Variants in PIP4K2A observed in about 807,000 individuals in gnomAD.
The protein encoded by PIP4K2A is phosphatidylinositol-5-phosphate 4-kinase type 2 alpha.
PIP4K2A carries 14 observed loss-of-function variants against 42.9 expected under a neutral mutation model. The ratio of observed to expected loss-of-function variants is 0.33; its 90% CI spans 0.22 to 0.51. PIP4K2A has a LOEUF of 0.51. Among genes scored for constraint, PIP4K2A ranks in the 20% least tolerant of loss-of-function variants. The pLI, the probability that PIP4K2A is intolerant of heterozygous loss-of-function variation, is 0.97. For missense variants in PIP4K2A, 434 were observed against 519.8 expected (o/e 0.83, Z 1.61); for synonymous variants, 192 against 192.2 (o/e 1.00, Z 0.01).
chr10:22,657,774 GA>G (rs376267012), intron 1 of PIP4K2A, among the ~76,000 whole-genome samples: 7 of 152,300 alleles, frequency 4.6e-5, no homozygotes, highest in African/African-American at 1.7e-4. Flanking sequence ...CTGCCCACTT[GA>G]AAAACTGAAA....
chr10:22,666,468 T>C (rs1236050647), intron 1 of PIP4K2A, among the ~76,000 whole-genome samples: 1 of 152,200 alleles, frequency 6.6e-6, no homozygotes, highest in Non-Finnish European at 1.5e-5. Flanking sequence ...GGCATTAATT[T>C]AGGAAGCCTG....
At chr10:22,710,216 A>ATCAGGCTG (rs1314205713) in intron 1 of PIP4K2A, among the ~76,000 whole-genome samples, 41 of 152,344 alleles carry the variant, frequency 2.7e-4, no homozygotes, top group African/African-American at 8.9e-4. Flanking sequence ...CATGGTGCTC[A>ATCAGGCTG]TCAGGCTGGC....
chr10:22,553,566 A>G (rs1836462115), intron 6 of PIP4K2A, among the ~76,000 whole-genome samples: 1 of 152,220 alleles, frequency 6.6e-6, no homozygotes. Flanking sequence ...AACTGAGATC[A>G]TGCAATTTAA....
At chr10:22,614,987 T>C (rs1838142530) in intron 1 of PIP4K2A, among the ~76,000 whole-genome samples, 1 of 152,226 alleles carries the variant, frequency 6.6e-6, no homozygotes, top group Non-Finnish European at 1.5e-5. Flanking sequence ...GATTCTTGGG[T>C]TTCAAAGTCT....
chr10:22,606,803 A>C (rs1439924552), intron 3 of PIP4K2A, among the ~76,000 whole-genome samples: 1 of 152,230 alleles, frequency 6.6e-6, no homozygotes, highest in Non-Finnish European at 1.5e-5. Flanking sequence ...GACTTAAGTC[A>C]GTATATGCTG....
intron 1 of PIP4K2A, among the ~76,000 whole-genome samples, chr10:22,706,799 A>G (rs1028329381): frequency 6.6e-6 from 1 of 152,224 alleles, no homozygotes; most frequent in Non-Finnish European, 1.5e-5. Context: ...AATACAAGAA[A>G]GAACATAACA....
At chr10:22,699,965 G>A (rs1223866307) in intron 1 of PIP4K2A, among the ~76,000 whole-genome samples, 42 of 152,174 alleles carry the variant, frequency 2.8e-4, no homozygotes, top group Admixed American at 2.7e-3. Flanking sequence ...ACACAAAGGT[G>A]AGGATCATTT....
At chr10:22,589,815 G>T (rs926151175) in intron 4 of PIP4K2A, among the ~76,000 whole-genome samples, 1 of 152,290 alleles carries the variant, frequency 6.6e-6, no homozygotes. Flanking sequence ...AGGACCTGCG[G>T]CACTTTATTT....
chr10:22,653,437 T>C (rs1019183431), intron 1 of PIP4K2A, among the ~76,000 whole-genome samples: 3 of 152,214 alleles, frequency 2.0e-5, no homozygotes, highest in African/African-American at 7.2e-5. Flanking sequence ...ACAGTTTCAC[T>C]GGGGAAAGTG....
intron 1 of PIP4K2A, among the ~76,000 whole-genome samples, chr10:22,659,058 G>A (rs1839154682): frequency 6.6e-6 from 1 of 152,168 alleles, no homozygotes; most frequent in African/African-American, 2.4e-5. Context: ...GTTGGGACTA[G>A]TAATCTTGGT....
chr10:22,648,934 A>G (rs1486680096), intron 1 of PIP4K2A, among the ~76,000 whole-genome samples: 2 of 152,228 alleles, frequency 1.3e-5, no homozygotes, highest in African/African-American at 4.8e-5. Context: ...GGCAGAAAGC[A>G]CATTCTAGGA....
At chr10:22,579,972 A>G (rs1220052330) in intron 4 of PIP4K2A, among the ~76,000 whole-genome samples, 1 of 151,882 alleles carries the variant, frequency 6.6e-6, no homozygotes, top group African/African-American at 2.4e-5. Context: ...GAATGTGGAG[A>G]TAAGGGAAAC....
At position 22,677,467 on chromosome 10, in the gene PIP4K2A, A is replaced by C. The variant is rs559986035; in HGVS notation, c.144+36716T>G. On this transcript the variant is annotated intron_variant, in intron 1 of 9. Transcript: ENST00000376573. ...AACAGGCTCTCAGGCTGCATTTTAC[A>C]CTGGGGCACAACTCCCTGCAGATAG... Among the ~76,000 whole-genome samples, 476 of 152,270 alleles carry C rather than the reference A, an allele frequency of 3.1e-3. 2 individuals are homozygous for C. Among genetic ancestry groups the C allele is most frequent in the African/African-American group, 0.011 (446 of 41,550 alleles).
chr10:22,557,638 A>G (rs1836585279), intron 6 of PIP4K2A, among the ~76,000 whole-genome samples: 1 of 152,362 alleles, frequency 6.6e-6, no homozygotes, highest in South Asian at 2.1e-4. Context: ...TTAAAAAACT[A>G]TCTTTCAGAT....
intron 1 of PIP4K2A, among the ~76,000 whole-genome samples, chr10:22,680,890 G>T (rs982599121): frequency 6.6e-6 from 1 of 152,158 alleles, no homozygotes; most frequent in Non-Finnish European, 1.5e-5. Context: ...AACAAGCCAG[G>T]TGACCTGGGT....
chr10:22,536,600 G>A lies in PIP4K2A; in HGVS notation c.*601C>T, dbSNP rs141467224. On this transcript the variant is annotated 3_prime_UTR_variant, in exon 10 of 10. Coordinates refer to ENST00000376573, the MANE Select transcript of PIP4K2A (RefSeq NM_005028.5). ...AGTGTTAGGGAGAGTGTCTGCGTGC[G>A]GGGTAGAAATGGAACATTCGCTGTA... 709 of 154,420 alleles carry A rather than the reference G, an allele frequency of 4.6e-3. 7 individuals are homozygous for A. Among genetic ancestry groups the A allele is most frequent in the African/African-American group, 0.016 (664 of 41,320 alleles). The allele number at this position is 154,420 out of a possible 1,614,324, so 9.6% of individuals were successfully genotyped here.
chr10:22,626,332 T>G (rs960068603), intron 1 of PIP4K2A, among the ~76,000 whole-genome samples: 10 of 152,188 alleles, frequency 6.6e-5, no homozygotes, highest in African/African-American at 9.7e-5. Context: ...TCCTGGTGAG[T>G]TATGTTCTTT....
intron 1 of PIP4K2A, among the ~76,000 whole-genome samples, chr10:22,666,589 C>T (rs938336894): frequency 3.9e-5 from 6 of 152,182 alleles, no homozygotes; most frequent in African/African-American, 1.4e-4. Flanking sequence ...GCTAACACAG[C>T]CCCTGTGTCA....
At chr10:22,567,271 A>G (rs1292913920) in intron 6 of PIP4K2A, among the ~76,000 whole-genome samples, 1 of 152,246 alleles carries the variant, frequency 6.6e-6, no homozygotes, top group Non-Finnish European at 1.5e-5. Context: ...ACAGTAAACT[A>G]AATGTGGCTC....
Sources: gnomAD v4.1 joint callset for allele counts (sites outside exome capture counted in the v4.1 genomes callset) on GRCh38, gnomAD v4.1.1 for gene constraint, MANE v1.5 for transcripts, NCBI Gene and HGNC (gene_info 2026-07-23, HGNC 2026-07-21) for gene names.